Variants in CDKL5 observed in about 807,000 individuals in gnomAD.
CDKL5 encodes the protein cyclin dependent kinase like 5.
In CDKL5, 8 loss-of-function variants were observed where a neutral mutation model predicts 61.7. The ratio of observed to expected loss-of-function variants is 0.13; its 90% confidence interval spans 0.08 to 0.23. CDKL5 has a LOEUF of 0.23. CDKL5 is among the 10% of genes least tolerant of loss of function. The pLI is 1.00. For missense variants in CDKL5, 440 were observed against 734.5 expected (o/e 0.60, Z 4.63); for synonymous variants, 275 against 272.3 (o/e 1.01, Z -0.10).
chrX:18,446,702 T>C (rs772609653), intron 1 of CDKL5, among the ~76,000 whole-genome samples: 67 of 111,923 alleles, frequency 6.0e-4, no homozygotes, highest in African/African-American at 2.0e-3. Context: ...CGGTATTCCC[T>C]GGTGTGACCT....
Position 18,590,965 on chromosome X carries a change from C to T in CDKL5, c.744+2822C>T, listed in dbSNP as rs1925808412. On this transcript the variant is annotated intron_variant, in intron 9 of 17. Transcript: ENST00000623535. Reference sequence around the variant, plus strand: ...CCCCCCATTCTCCAGATTCTCAGCACACTTGCCTTTTTTGTTCTTTGGCTT... The same window carrying T: ...CCCCCCATTCTCCAGATTCTCAGCATACTTGCCTTTTTTGTTCTTTGGCTT... 2.7e-5 allele frequency among the ~76,000 whole-genome samples: 3 copies of T among 111,363 alleles called. No individual in the cohort carries two copies. The Admixed American group carries it at 2.9e-4, about 11-fold the overall frequency.
chrX:18,470,039 C>T (rs1363168079), intron 1 of CDKL5, among the ~76,000 whole-genome samples: 2 of 111,624 alleles, frequency 1.8e-5, no homozygotes, highest in Non-Finnish European at 3.8e-5. Flanking sequence ...ACATTTCTTA[C>T]ATATAGAAGT....
chrX:18,535,901 A>G (rs1028067864), intron 3 of CDKL5: 2 of 112,379 alleles, frequency 1.8e-5, no homozygotes, highest in Non-Finnish European at 3.8e-5. Flanking sequence ...GGAGAAAGAA[A>G]CAATTCCTCT....
chrX:18,433,448 C>T (rs1931544125), intron 1 of CDKL5, among the ~76,000 whole-genome samples: 1 of 110,833 alleles, frequency 9.0e-6, no homozygotes. Context: ...TACTCGGGAG[C>T]CTGAGGCAGA....
At chrX:18,454,201 A>G (rs976573082) in intron 1 of CDKL5, among the ~76,000 whole-genome samples, 10 of 111,531 alleles carry the variant, frequency 9.0e-5, no homozygotes, top group African/African-American at 3.3e-4. Flanking sequence ...ACGAATGCAC[A>G]TATAACTATT....
intron 2 of CDKL5, among the ~76,000 whole-genome samples, chrX:18,507,552 T>TTTCATTCATTCA (rs201508159): frequency 6.8e-5 from 7 of 102,669 alleles, no homozygotes; most frequent in Non-Finnish European, 9.9e-5. Context: ...ATAACTTAAA[T>TTTCATTCATTCA]TTCATTCATT....
At chrX:18,562,347 A>G (rs1286991748) in intron 3 of CDKL5, among the ~76,000 whole-genome samples, 1 of 111,799 alleles carries the variant, frequency 8.9e-6, no homozygotes, top group Non-Finnish European at 1.9e-5. Flanking sequence ...ATGTTGAAGT[A>G]TGTTCATTAA....
chrX:18,432,350 A>C (rs917823108), intron 1 of CDKL5, among the ~76,000 whole-genome samples: 3 of 109,327 alleles, frequency 2.7e-5, no homozygotes, highest in Non-Finnish European at 5.7e-5. Flanking sequence ...TGCCTGCCTC[A>C]GCCTCCCAAA....
Position 18,614,568 on chromosome X carries a change from G to A in CDKL5, c.2276+1293G>A, listed in dbSNP as rs79097637. On this transcript the variant is annotated intron_variant, in intron 15 of 17. Coordinates refer to ENST00000623535, the MANE Select transcript of CDKL5 (RefSeq NM_001323289.2). ...ATTAAAAGCACCTAGAATAATGCCT[G>A]GCTCCGTAAGCATTCATTAATGTTA... Among the ~76,000 whole-genome samples the A allele has an allele frequency of 9.7e-3, 1,089 of 112,116 alleles. 51 individuals carry two copies. In the East Asian group the frequency reaches 0.18, roughly 19 times the overall value.
chrX:18,548,351 T>C (rs1240948949), intron 3 of CDKL5, among the ~76,000 whole-genome samples: 1 of 111,687 alleles, frequency 9.0e-6, no homozygotes, highest in East Asian at 2.8e-4. Context: ...GCTGCTGATA[T>C]ATATCTAATA....
intron 1 of CDKL5, chrX:18,426,064 G>T (rs1931359542): frequency 8.9e-6 from 1 of 112,360 alleles, no homozygotes; most frequent in Non-Finnish European, 1.9e-5. Flanking sequence ...CGAGCTCCCC[G>T]GGGCTTGCGG....
intron 2 of CDKL5, among the ~76,000 whole-genome samples, chrX:18,507,446 CTTTT>C (rs200439467): frequency 1.4e-5 from 1 of 72,373 alleles, no homozygotes. Context: ...TGCCTTCATT[CTTTT>C]TTTTTTTTTT....
chrX:18,532,950 T>A (rs890568607), intron 3 of CDKL5, among the ~76,000 whole-genome samples: 1 of 112,155 alleles, frequency 8.9e-6, no homozygotes, highest in Non-Finnish European at 1.9e-5. Context: ...TAAAGATCGC[T>A]TATTAGTTAG....
intron 10 of CDKL5, among the ~76,000 whole-genome samples, chrX:18,595,886 C>T (rs779225894): frequency 6.1e-4 from 68 of 111,958 alleles, no homozygotes; most frequent in South Asian, 1.9e-3. Context: ...CTACTTTAGA[C>T]GTATCAGGAT....
chrX:18,641,911 A>G, downstream of CDKL5: 1 of 1,011,484 alleles, frequency 9.9e-7, no homozygotes, highest in Non-Finnish European at 1.4e-6. Context: ...TTTGCGAAAT[A>G]TAGCCCTGTC....
At position 18,650,442 on chromosome X, in the gene CDKL5, C is replaced by A. The variant is rs200236257; in HGVS notation, c.2830C>A (p.Pro944Thr). 2.6e-5 allele frequency: 32 copies of A among 1,210,369 alleles called. No homozygotes were observed. Among genetic ancestry groups the A allele is most frequent in the Admixed American group, 4.4e-5 (2 of 45,843 alleles). The change falls in exon 21 of 22, where the codon CCT becomes ACT. Residue 944 changes from proline (P) to threonine (T), a missense_variant. Coordinates refer to the CDKL5 transcript ENST00000379989. ...CTTCTGCTGTGGTGACCCAAAGAAG[C>A]CTCACACTCCGTGCGTCCCAAACCG...
intron 16 of CDKL5, among the ~76,000 whole-genome samples, chrX:18,622,195 A>G (rs1339703693): frequency 3.6e-5 from 4 of 112,376 alleles, no homozygotes; most frequent in Admixed American, 9.5e-5. Context: ...TTAGTAATAT[A>G]GATTAGAGTA....
At chrX:18,556,743 C>A (rs1343288429) in intron 3 of CDKL5, among the ~76,000 whole-genome samples, 4 of 110,113 alleles carry the variant, frequency 3.6e-5, no homozygotes, top group African/African-American at 1.3e-4. Flanking sequence ...ATTAGCTGGG[C>A]GTGGTGGCGT....
At chrX:18,567,908 A>G (rs1438082621) in intron 4 of CDKL5, among the ~76,000 whole-genome samples, 2 of 111,562 alleles carry the variant, frequency 1.8e-5, no homozygotes, top group African/African-American at 6.5e-5. Context: ...TACTACACCC[A>G]ACTTACCACA....
Sources: allele counts gnomAD v4.1 joint callset (sites outside exome capture counted in the v4.1 genomes callset), GRCh38; gene constraint gnomAD v4.1.1; transcripts MANE v1.5; gene names NCBI Gene and HGNC (gene_info 2026-07-23, HGNC 2026-07-21).